CRACD: variants seen among roughly 807,000 people sequenced by gnomAD.
The protein encoded by CRACD is capping protein-inhibiting regulator of actin dynamics.
A neutral mutation model predicts 106.8 loss-of-function variants in CRACD; 56 were observed. The observed-to-expected ratio is 0.52, with a 90% CI of 0.42 to 0.66. The LOEUF is 0.66. Among genes scored for constraint, CRACD ranks in the 30% least tolerant of loss-of-function variants. The pLI is 0.00. For synonymous variants in CRACD, 754 were observed against 670.8 expected (o/e 1.12, Z -1.92); for missense variants, 1,730 against 1,623.2 (o/e 1.07, Z -1.13).
intron 8 of CRACD, among the ~76,000 whole-genome samples, chr4:56,317,815 C>T (rs1745781480): frequency 7.7e-6 from 1 of 129,722 alleles, no homozygotes; most frequent in Non-Finnish European, 1.6e-5. Context: ...AATTTTGGAG[C>T]AAGCCTTACC....
chr4:56,074,168 G>A (rs891398328), intron 1 of CRACD, among the ~76,000 whole-genome samples: 4 of 152,148 alleles, frequency 2.6e-5, no homozygotes, highest in South Asian at 2.1e-4. Context: ...GGCTATACGA[G>A]CTCTTTTTTG....
intron 1 of CRACD, among the ~76,000 whole-genome samples, chr4:56,107,958 G>A (rs1447073332): frequency 2.6e-5 from 4 of 152,134 alleles, no homozygotes; most frequent in Admixed American, 6.5e-5. Flanking sequence ...CACTGTGTAC[G>A]CAGATCCCAG....
chr4:56,119,180 A>G (rs1734398509), intron 1 of CRACD, among the ~76,000 whole-genome samples: 2 of 152,232 alleles, frequency 1.3e-5, no homozygotes, highest in South Asian at 2.1e-4. Flanking sequence ...AGTTAGAACT[A>G]TCTCCAGAGA....
rs541329503 is a variant in CRACD at position 56,310,274 on chromosome 4, G to A, written c.286-392G>A. On this transcript the variant is annotated intron_variant, in intron 5 of 10. Transcript: ENST00000682029. The stretch of plus-strand genomic sequence containing the variant: ...TTGCTTAGATGGGGGAGGTGTGGCT[G>A]GAGAAGGGGAGAGGCAGCCAGCAAG... 6.6e-5 allele frequency among the ~76,000 whole-genome samples: 10 copies of A among 152,280 alleles called. No individual in the cohort carries two copies. The South Asian group carries it at 8.3e-4, about 13-fold the overall frequency.
chr4:56,110,245 T>C (rs976007710), intron 1 of CRACD, among the ~76,000 whole-genome samples: 2 of 152,172 alleles, frequency 1.3e-5, no homozygotes, highest in African/African-American at 4.8e-5. Flanking sequence ...AGGGAAGTGT[T>C]TTCAACCGAA....
At chr4:56,273,450 G>A (rs745833208) in intron 3 of CRACD, among the ~76,000 whole-genome samples, 11 of 138,412 alleles carry the variant, frequency 7.9e-5, no homozygotes, top group Middle Eastern at 3.8e-3. Flanking sequence ...TTCTTTCCCC[G>A]CCTCTTAGAA....
chr4:56,107,261 G>A (rs1733980150), intron 1 of CRACD, among the ~76,000 whole-genome samples: 1 of 152,156 alleles, frequency 6.6e-6, no homozygotes, highest in African/African-American at 2.4e-5. Context: ...GATTACAGGT[G>A]TGAGCCACCG....
intron 3 of CRACD, among the ~76,000 whole-genome samples, chr4:56,284,782 G>T (rs1464268219): frequency 6.6e-6 from 1 of 151,974 alleles, no homozygotes; most frequent in Non-Finnish European, 1.5e-5. Context: ...AACATGCAAA[G>T]CACTTTTATT....
chr4:56,172,272 A>AC (rs932503241), intron 1 of CRACD, among the ~76,000 whole-genome samples: 2 of 151,990 alleles, frequency 1.3e-5, no homozygotes, highest in Non-Finnish European at 2.9e-5. Flanking sequence ...TGCCTGAAAA[A>AC]CTGAAGCCAT....
chr4:56,211,285 T>A (rs1738388655), intron 2 of CRACD, among the ~76,000 whole-genome samples: 1 of 152,172 alleles, frequency 6.6e-6, no homozygotes, highest in Non-Finnish European at 1.5e-5. Context: ...TGACAAAGGA[T>A]TTTTCCCAGT....
intron 1 of CRACD, among the ~76,000 whole-genome samples, chr4:56,070,847 C>CCGTGTGTGTGTGTGTGTGTGTGTG: frequency 8.3e-6 from 1 of 120,360 alleles, no homozygotes; most frequent in South Asian, 3.2e-4. Context: ...AGGGGCTATG[C>CCGTGTGTGTGTGTGTGTGTGTGTG]TGTGTGTGTG....
In CRACD at chr4:56,316,589, G is replaced by T; in HGVS notation, c.3087G>T (p.Arg1029Ser). The change falls in exon 8 of 11, where the codon AGG becomes AGT. Residue 1029 changes from arginine (R) to serine (S), a missense_variant. Transcript: ENST00000682029. Reference sequence around the variant, plus strand: ...CCGAGGAAAGGAAGGGACAGAAGAGGGACGAGGAGGAAGAGGCGACAGAGA... The same window carrying T: ...CCGAGGAAAGGAAGGGACAGAAGAGTGACGAGGAGGAAGAGGCGACAGAGA... ...PGPEERKGQKRDEEEEATERK... is the reference protein window; with the variant it reads ...PGPEERKGQKSDEEEEATERK... The T allele has an allele frequency of 1.2e-6, 2 of 1,613,474 alleles. No homozygotes were observed. Among genetic ancestry groups the T allele is most frequent in the Non-Finnish European group, 1.7e-6 (2 of 1,179,770 alleles).
At chr4:56,216,986 C>CAA (rs369354563) in intron 2 of CRACD, among the ~76,000 whole-genome samples, 12 of 66,170 alleles carry the variant, frequency 1.8e-4, no homozygotes, top group Non-Finnish European at 2.2e-4. Context: ...GACTCCGTCT[C>CAA]AAAAAAAAAA....
intron 2 of CRACD, among the ~76,000 whole-genome samples, chr4:56,233,265 G>T (rs921690914): frequency 6.6e-6 from 1 of 152,024 alleles, no homozygotes; most frequent in Non-Finnish European, 1.5e-5. Flanking sequence ...TGGAAGGGCA[G>T]ATTTTTAAAT....
At chr4:56,215,938 T>G (rs954847351) in intron 2 of CRACD, among the ~76,000 whole-genome samples, 2 of 152,248 alleles carry the variant, frequency 1.3e-5, no homozygotes, top group African/African-American at 4.8e-5. Flanking sequence ...TAATATGCTC[T>G]TATAGATGAG....
chr4:56,238,017 T>C (rs1482748742), intron 2 of CRACD, among the ~76,000 whole-genome samples: 1 of 152,202 alleles, frequency 6.6e-6, no homozygotes, highest in Non-Finnish European at 1.5e-5. Context: ...TCCATCCAGA[T>C]ATATAAATAT....
At chr4:56,276,541 A>G (rs772851994) in intron 3 of CRACD, among the ~76,000 whole-genome samples, 4 of 152,226 alleles carry the variant, frequency 2.6e-5, no homozygotes, top group Non-Finnish European at 5.9e-5. Context: ...AATATTTACC[A>G]CAACTATTTA....
intron 1 of CRACD, among the ~76,000 whole-genome samples, chr4:56,152,469 A>G (rs1159143613): frequency 2.0e-5 from 3 of 151,878 alleles, no homozygotes; most frequent in African/African-American, 7.2e-5. Flanking sequence ...CCTTGTCTCT[A>G]CAAAAAAAGA....
At chr4:56,097,502 A>G (rs1733637316) in intron 1 of CRACD, 1 of 152,274 alleles carries the variant, frequency 6.6e-6, no homozygotes, top group Non-Finnish European at 1.5e-5. Flanking sequence ...AGTCTAGTTG[A>G]GTGTGTTTTT....
Sources: allele counts gnomAD v4.1 joint callset (sites outside exome capture counted in the v4.1 genomes callset), GRCh38; gene constraint gnomAD v4.1.1; transcripts MANE v1.5; gene names NCBI Gene and HGNC (gene_info 2026-07-23, HGNC 2026-07-21).